The following SLC4A10 variants were observed in gnomAD, a reference collection of about 807,000 sequenced individuals.
The protein encoded by SLC4A10 is solute carrier family 4 member 10.
A neutral mutation model predicts 137.7 loss-of-function variants in SLC4A10; 42 were observed. The observed-to-expected ratio is 0.30, with a 90% CI of 0.24 to 0.39. SLC4A10 has a LOEUF of 0.39. Among genes scored for constraint, SLC4A10 ranks in the 10% least tolerant of loss-of-function variants. The probability of loss-of-function intolerance (pLI) is 1.00; values close to 1 mark genes in which losing one functional copy is unlikely to be tolerated. For missense variants in SLC4A10, 925 were observed against 1,355.0 expected, an observed-to-expected ratio of 0.68 and a Z score of 4.98; for synonymous variants, 474 against 464.1, an observed-to-expected ratio of 1.02 and a Z score of -0.27.
chr2:161,977,371 A>G (rs1178217113), intron 25 of SLC4A10: 1 of 460,818 alleles, frequency 2.2e-6, no homozygotes, highest in Admixed American at 2.5e-5. Context: ...AACTCCTGAA[A>G]GTTCTATCCA....
intron 15 of SLC4A10, among the ~76,000 whole-genome samples, chr2:161,912,243 C>G (rs560703578): frequency 1.3e-5 from 2 of 152,070 alleles, no homozygotes; most frequent in Non-Finnish European, 2.9e-5. Context: ...ACTTTCTTGT[C>G]AAATAGGTAT....
chr2:161,884,908 T>A (rs2062118465), intron 10 of SLC4A10, among the ~76,000 whole-genome samples: 1 of 152,060 alleles, frequency 6.6e-6, no homozygotes, highest in South Asian at 2.1e-4. Flanking sequence ...CCAGGTGTAA[T>A]GGCTTACATC....
intron 1 of SLC4A10, among the ~76,000 whole-genome samples, chr2:161,702,092 A>T (rs942570017): frequency 5.3e-5 from 8 of 152,006 alleles, no homozygotes; most frequent in Non-Finnish European, 1.2e-4. Flanking sequence ...TTGAAGAGAT[A>T]TCTGCATTCC....
chr2:161,752,462 A>G (rs1477344227), intron 1 of SLC4A10, among the ~76,000 whole-genome samples: 3 of 152,040 alleles, frequency 2.0e-5, no homozygotes, highest in Non-Finnish European at 4.4e-5. Flanking sequence ...TGTTTAAAGA[A>G]TTTCTCACCA....
At position 161,825,855 on chromosome 2, in the gene SLC4A10, A is replaced by T. The variant is rs576536872; in HGVS notation, c.278-13934A>T. 2.0e-5 allele frequency among the ~76,000 whole-genome samples: 3 copies of T among 152,270 alleles called. No homozygotes were observed. The South Asian group carries it at 6.2e-4, about 32-fold the overall frequency. ...TAAAATGTGTCTGTTTCATCTCATG[A>T]TCCTTTATAGCCAGCCTCTGTGTGG... On this transcript the variant is annotated intron_variant, in intron 3 of 26. Transcript: ENST00000446997.
At chr2:161,639,722 A>G (rs1248761108) in intron 1 of SLC4A10, among the ~76,000 whole-genome samples, 1 of 152,148 alleles carries the variant, frequency 6.6e-6, no homozygotes, top group Admixed American at 6.6e-5. Context: ...CAAGATAAGG[A>G]TGCCCACTTT....
intron 1 of SLC4A10, among the ~76,000 whole-genome samples, chr2:161,644,492 A>AAACAAAAACAAAAAC (rs56167454): frequency 2.0e-4 from 31 of 151,820 alleles, no homozygotes; most frequent in Admixed American, 5.9e-4. Flanking sequence ...TCAAAAACAA[A>AAACAAAAACAAAAAC]AAACTAGTAA....
intron 1 of SLC4A10, among the ~76,000 whole-genome samples, chr2:161,731,078 T>A (rs531719256): frequency 1.3e-5 from 2 of 152,248 alleles, no homozygotes; most frequent in Admixed American, 1.3e-4. Flanking sequence ...AACAACGACT[T>A]CAGTGAAAGA....
At chr2:161,901,499 A>T (rs570993829) in intron 12 of SLC4A10, among the ~76,000 whole-genome samples, 1 of 152,244 alleles carries the variant, frequency 6.6e-6, no homozygotes, top group South Asian at 2.1e-4. Context: ...TGAAAGCTTC[A>T]ATTTATTTCT....
At chr2:161,638,976 G>C (rs760167735) in intron 1 of SLC4A10, among the ~76,000 whole-genome samples, 1 of 151,872 alleles carries the variant, frequency 6.6e-6, no homozygotes. Flanking sequence ...CATGGTCAAA[G>C]AAACACAAAG....
chr2:161,880,822 G>A (rs1475945898), intron 9 of SLC4A10, among the ~76,000 whole-genome samples: 1 of 152,068 alleles, frequency 6.6e-6, no homozygotes, highest in Non-Finnish European at 1.5e-5. Flanking sequence ...AAGGTGTCTG[G>A]TGAACTATGA....
intron 15 of SLC4A10, among the ~76,000 whole-genome samples, chr2:161,918,522 AT>A (rs1575635069): frequency 6.6e-6 from 1 of 152,228 alleles, no homozygotes; most frequent in African/African-American, 2.4e-5. Flanking sequence ...CATAATTAAA[AT>A]AATATTATGT....
chr2:161,711,574 G>A (rs1433952052), intron 1 of SLC4A10, among the ~76,000 whole-genome samples: 3 of 151,808 alleles, frequency 2.0e-5, no homozygotes, highest in Non-Finnish European at 4.4e-5. Context: ...TTGCAGGAAG[G>A]TGGGTGGAGA....
chr2:161,701,674 C>G (rs965106437), intron 1 of SLC4A10, among the ~76,000 whole-genome samples: 2 of 151,598 alleles, frequency 1.3e-5, no homozygotes, highest in South Asian at 2.1e-4. Context: ...AGAACTGATT[C>G]CTTCTATCTA....
intron 1 of SLC4A10, among the ~76,000 whole-genome samples, chr2:161,633,341 C>G (rs535720920): frequency 5.3e-5 from 8 of 151,800 alleles, no homozygotes; most frequent in South Asian, 4.1e-4. Context: ...TTGTGCTGCT[C>G]TCACAGAACC....
At position 161,743,568 on chromosome 2, in the gene SLC4A10, T is replaced by TTTTG. The variant is rs557388911; in HGVS notation, c.49-27385_49-27382dup. 2.1e-4 allele frequency among the ~76,000 whole-genome samples: 32 copies of TTTTG among 152,130 alleles called. No homozygotes were observed. In the East Asian group the frequency reaches 4.2e-3, roughly 20 times the overall value. ...CAGGTAATGTGATTCCTCCAGTTTTTTTTGTTTGTTTGTTTGTTTGTTTTT... is the reference window on the plus strand; with the variant it reads ...CAGGTAATGTGATTCCTCCAGTTTTTTTTGTTTGTTTGTTTGTTTGTTTGTTTTT... On this transcript the variant is annotated intron_variant, in intron 1 of 26. Coordinates refer to ENST00000446997, the MANE Select transcript of SLC4A10 (RefSeq NM_001178015.2).
chr2:161,866,424 C>T (rs1227460960), intron 6 of SLC4A10, among the ~76,000 whole-genome samples: 6 of 151,822 alleles, frequency 4.0e-5, no homozygotes, highest in African/African-American at 7.3e-5. Flanking sequence ...CTTCGTATTC[C>T]GCATTCTCTT....
intron 12 of SLC4A10, among the ~76,000 whole-genome samples, chr2:161,903,386 T>A (rs1263857644): frequency 6.6e-6 from 1 of 152,194 alleles, no homozygotes; most frequent in South Asian, 2.1e-4. Context: ...TGAAAACAGC[T>A]CTGAAACCTA....
chr2:161,924,715 A>G (rs1032230588), intron 15 of SLC4A10, among the ~76,000 whole-genome samples: 2 of 152,190 alleles, frequency 1.3e-5, no homozygotes, highest in Non-Finnish European at 2.9e-5. Context: ...CTCCTATGAC[A>G]TTGGTACATC....
Sources: allele counts gnomAD v4.1 joint callset (sites outside exome capture counted in the v4.1 genomes callset), GRCh38; gene constraint gnomAD v4.1.1; transcripts MANE v1.5; gene names NCBI Gene and HGNC (gene_info 2026-07-23, HGNC 2026-07-21).